The following CPSF6 variants were observed in gnomAD, a reference collection of about 807,000 sequenced individuals.
The protein encoded by CPSF6 is cleavage and polyadenylation specificity factor subunit 6.
CPSF6 carries 10 observed loss-of-function variants against 56.7 expected under a neutral mutation model. The observed-to-expected ratio is 0.18, with a 90% CI of 0.11 to 0.30. CPSF6 has a LOEUF of 0.30. CPSF6 is among the 10% of genes least tolerant of loss of function. The pLI is 1.00. For missense variants in CPSF6, 419 were observed against 722.9 expected (o/e 0.58, Z 4.82); for synonymous variants, 248 against 244.8 (o/e 1.01, Z -0.12).
Position 69,274,230 on chromosome 12 carries a change from T to C in CPSF6, c.*4722T>C, listed in dbSNP as rs1873398591. ...AATTTTGTGTTTAATGTTTACTTTG[T>C]CTTTCCTTTCTTTAGCATTTAGGTG... On this transcript the variant is annotated 3_prime_UTR_variant, in exon 10 of 10. Transcript: ENST00000435070. 1 of 151,908 alleles carries C rather than the reference T, an allele frequency of 6.6e-6. No homozygotes were observed. The highest frequency in any genetic ancestry group is 2.4e-5 in the African/African-American group (1 of 41,388). The allele number at this position is 151,908 out of a possible 1,614,324, so 9.4% of individuals were successfully genotyped here.
Position 69,271,099 on chromosome 12 carries a change from GT to G in CPSF6, c.*1595del, listed in dbSNP as rs909575798. The G allele has an allele frequency of 2.6e-5, 4 of 152,046 alleles. No homozygotes were observed. The highest frequency in any genetic ancestry group is 5.9e-5 in the Non-Finnish European group (4 of 67,682). 9.4% of individuals were successfully genotyped at this position (152,046 alleles called of 1,614,324 possible). A position where few individuals can be genotyped will look rare whatever the true frequency, so the allele number is the denominator to read the frequency against. On this transcript the variant is annotated 3_prime_UTR_variant, in exon 10 of 10. Transcript: ENST00000435070. The stretch of plus-strand genomic sequence containing the variant: ...CAAACCACTTCTGACAAAATTAGCT[GT>G]TTTGAATTACCCATATCACTGCCAG...
chr12:69,264,902 A>G (rs1468998784), intron 9 of CPSF6, among the ~76,000 whole-genome samples: 2 of 152,298 alleles, frequency 1.3e-5, no homozygotes, highest in East Asian at 1.9e-4. Flanking sequence ...TAAATCTTAA[A>G]TGGACCAAAT....
At chr12:69,249,644 G>T (rs1872129060) in intron 1 of CPSF6, among the ~76,000 whole-genome samples, 1 of 152,160 alleles carries the variant, frequency 6.6e-6, no homozygotes, top group South Asian at 2.1e-4. Context: ...CTTAGTTGTG[G>T]AAAGGGAGAG....
intron 3 of CPSF6, among the ~76,000 whole-genome samples, chr12:69,254,791 G>T (rs2120534361): frequency 6.6e-6 from 1 of 152,256 alleles, no homozygotes; most frequent in Non-Finnish European, 1.5e-5. Flanking sequence ...AAGAGCTTAA[G>T]CTTCTTAAGC....
chr12:69,255,090 T>C (rs1872442343), intron 3 of CPSF6: 1 of 152,240 alleles, frequency 6.6e-6, no homozygotes, highest in South Asian at 2.1e-4. Flanking sequence ...ACTGCTAACG[T>C]GCTCTGGATA....
rs1872601172 is a variant in CPSF6 at position 69,258,498 on chromosome 12, C to T, written c.695-92C>T. ...TAAAGACAAAGACTTGGTGTATGCTCTATGCGTTTAAAGTATAATCTTGGC... is the reference window on the plus strand; with the variant it reads ...TAAAGACAAAGACTTGGTGTATGCTTTATGCGTTTAAAGTATAATCTTGGC... On this transcript the variant is annotated intron_variant, in intron 5 of 9. Coordinates refer to ENST00000435070, the MANE Select transcript of CPSF6 (RefSeq NM_007007.3). The surrounding 1 kb of genome is among the most constrained non-coding windows in gnomAD (Gnocchi z 4.2). The T allele has an allele frequency of 1.5e-6, 2 of 1,294,832 alleles. No homozygotes were observed. Among genetic ancestry groups the T allele is most frequent in the Non-Finnish European group, 2.1e-6 (2 of 954,070 alleles). 80.2% of individuals were successfully genotyped at this position (1,294,832 alleles called of 1,614,324 possible).
intron 1 of CPSF6, among the ~76,000 whole-genome samples, chr12:69,249,882 A>G (rs1170583647): frequency 6.6e-6 from 1 of 152,154 alleles, no homozygotes; most frequent in East Asian, 1.9e-4. Context: ...CATGTAAGTG[A>G]CACCCAGTAG....
At chr12:69,267,777 T>C (rs1406868753) in intron 9 of CPSF6, among the ~76,000 whole-genome samples, 1 of 151,900 alleles carries the variant, frequency 6.6e-6, no homozygotes, top group East Asian at 1.9e-4. Context: ...AAATTAGATT[T>C]ATTAATAGAA....
Position 69,259,442 on chromosome 12 carries a change from C to T in CPSF6, c.1214C>T (p.Ala405Val). 6.2e-7 allele frequency: 1 copy of T among 1,612,620 alleles called. No individual in the cohort carries two copies. Among genetic ancestry groups the T allele is most frequent in the Non-Finnish European group, 8.5e-7 (1 of 1,179,434 alleles). ...YGPPGREMDT[A>V]RTPLSEAEFE... ...TTGTTTTACAGGGAAATGGATACTG[C>T]AAGAACGCCATTGAGTGAAGCTGAA... The change falls in exon 7 of 10, where the codon GCA (alanine) becomes GTA (valine). Residue 405 changes from alanine to valine, a missense_variant. Ala to Val is a moderately conservative substitution (Grantham distance 64, BLOSUM62 0). Transcript: ENST00000435070.
intron 3 of CPSF6, 108 bp from the exon 4 acceptor site, chr12:69,256,589 C>A: frequency 8.9e-7 from 1 of 1,119,832 alleles, no homozygotes; most frequent in Non-Finnish European, 1.3e-6. Context: ...CCACTGTGCC[C>A]AGCTGTTGTT....
intron 3 of CPSF6, among the ~76,000 whole-genome samples, chr12:69,254,581 G>T (rs1872417226): frequency 6.6e-6 from 1 of 152,140 alleles, no homozygotes; most frequent in African/African-American, 2.4e-5. Context: ...TGAGAACAGA[G>T]ATTTTGTTTT....
intron 1 of CPSF6, 123 bp downstream of exon 1, chr12:69,239,829 G>A (rs1318822982): frequency 2.7e-5 from 22 of 805,916 alleles, no homozygotes; most frequent in Non-Finnish European, 3.5e-5. Context: ...CCGCCTCTGG[G>A]CCGCGCCGCC....
chr12:69,251,196 A>G lies in CPSF6; in HGVS notation c.128A>G (p.Asn43Ser), dbSNP rs1286980007. 5.6e-6 allele frequency: 9 copies of G among 1,613,196 alleles called. No individual in the cohort carries two copies. Among genetic ancestry groups the G allele is most frequent in the Non-Finnish European group, 7.6e-6 (9 of 1,179,852 alleles). ...YDDVISPSAN[N>S]GDAPEDRDYM... ...GATGTCATATCTCCATCTGCAAATA[A>G]TGGAGATGCCCCAGAAGACCGAGAT... The change falls in exon 2 of 10, where the codon AAT (asparagine) becomes AGT (serine). Residue 43 changes from asparagine (N) to serine (S), a missense_variant. Physicochemically the swap from Asn to Ser is conservative, Grantham distance 46. This residue lies in a region of CPSF6 where 125 missense variants were observed against 216.4 expected (regional missense o/e 0.58). Transcript: ENST00000435070.
chr12:69,263,272 ACC>A (rs1250695576), intron 9 of CPSF6, among the ~76,000 whole-genome samples: 5 of 152,088 alleles, frequency 3.3e-5, no homozygotes, highest in African/African-American at 1.2e-4. Context: ...AGTTTAGAAT[ACC>A]TTGAAATAAT....
chr12:69,260,590 T>G (rs1872703002), intron 8 of CPSF6, among the ~76,000 whole-genome samples: 1 of 152,210 alleles, frequency 6.6e-6, no homozygotes, highest in Non-Finnish European at 1.5e-5. Context: ...TTCACATAGC[T>G]GGCTCCTTAT....
chr12:69,268,154 G>A (rs2120645626), intron 9 of CPSF6, among the ~76,000 whole-genome samples: 1 of 151,824 alleles, frequency 6.6e-6, no homozygotes, highest in African/African-American at 2.4e-5. Flanking sequence ...ATAGTGTAGT[G>A]CAGATAATAA....
rs1314329034 is a variant in CPSF6, at chr12:69,251,287, C to T, written c.219C>T (p.Val73=). Residue 73 remains valine, a synonymous_variant, in exon 2 of 10, where the codon GTC becomes GTT. Coordinates refer to ENST00000435070, the MANE Select transcript of CPSF6 (RefSeq NM_007007.3). The part of the protein sequence containing the change: ...DVGKGAAPNV[V]YTYTGKRIAL... The stretch of plus-strand genomic sequence containing the variant: ...GTAAAGGAGCAGCACCAAATGTTGT[C>T]TATACATATACTGGAAAGAGAATTG... 2.5e-6 allele frequency: 4 copies of T among 1,599,594 alleles called. No individual in the cohort carries two copies. The African/African-American group carries it at 5.4e-5, about 21-fold the overall frequency.
chr12:69,267,868 G>T (rs548945030), intron 9 of CPSF6, among the ~76,000 whole-genome samples: 1 of 151,876 alleles, frequency 6.6e-6, no homozygotes, highest in East Asian at 1.9e-4. Context: ...TTACAAATGG[G>T]ATTCTCTATA....
At chr12:69,248,194 A>G (rs917033900) in intron 1 of CPSF6, among the ~76,000 whole-genome samples, 4 of 152,228 alleles carry the variant, frequency 2.6e-5, no homozygotes, top group African/African-American at 9.6e-5. Context: ...TTTTTTGTCT[A>G]CTTATGTAAA....
Sources: allele counts gnomAD v4.1 joint callset (sites outside exome capture counted in the v4.1 genomes callset), GRCh38; gene constraint gnomAD v4.1.1; regional missense constraint gnomAD v4.1.1; non-coding constraint Gnocchi (gnomAD v3.1); transcripts MANE v1.5; gene names NCBI Gene and HGNC (gene_info 2026-07-23, HGNC 2026-07-21).